Variants in NDST4 observed in about 807,000 individuals in gnomAD.
NDST4 encodes the protein N-deacetylase and N-sulfotransferase 4.
In NDST4, 63 loss-of-function variants were observed where a neutral mutation model predicts 100.8. The observed-to-expected ratio is 0.62, with a 90% CI of 0.51 to 0.77. The LOEUF is 0.77. NDST4 is among the 30% of genes least tolerant of loss of function. The pLI is 0.00. For missense variants in NDST4, 943 were observed against 1,018.4 expected (o/e 0.93, Z 1.01); for synonymous variants, 377 against 361.8 (o/e 1.04, Z -0.48).
intron 2 of NDST4, among the ~76,000 whole-genome samples, chr4:115,033,157 A>ATATATTTTTTT (rs1491126767): frequency 3.3e-5 from 2 of 59,948 alleles, no homozygotes; most frequent in African/African-American, 1.2e-4. Flanking sequence ...ATATATATAT[A>ATATATTTTTTT]TTTTTTTTTT....
intron 1 of NDST4, among the ~76,000 whole-genome samples, chr4:115,082,276 T>C (rs569059701): frequency 1.0e-3 from 155 of 152,302 alleles, no homozygotes; most frequent in African/African-American, 3.6e-3. Flanking sequence ...ATATCTGTTA[T>C]AAGATTGCCT....
chr4:114,848,934 C>T (rs72893330), intron 8 of NDST4, among the ~76,000 whole-genome samples: 17,429 of 152,126 alleles, frequency 0.11, 1,440 homozygotes, highest in African/African-American at 0.23. Flanking sequence ...ACCAGAGCAC[C>T]TTTCCAATAT....
chr4:114,835,154 T>A (rs926112313), intron 11 of NDST4, among the ~76,000 whole-genome samples: 2 of 152,158 alleles, frequency 1.3e-5, no homozygotes, highest in African/African-American at 4.8e-5. Flanking sequence ...TTTCTTGTCT[T>A]CTGCTAGCTT....
intron 2 of NDST4, among the ~76,000 whole-genome samples, chr4:115,064,960 A>G (rs1444539499): frequency 2.6e-5 from 4 of 152,120 alleles, no homozygotes; most frequent in African/African-American, 9.7e-5. Flanking sequence ...TTAACCCATT[A>G]AAATTATGAG....
At chr4:115,052,506 G>A (rs1312900791) in intron 2 of NDST4, among the ~76,000 whole-genome samples, 2 of 151,944 alleles carry the variant, frequency 1.3e-5, no homozygotes, top group East Asian at 3.9e-4. Flanking sequence ...TGAATCATGG[G>A]GGCGAGTCTT....
At chr4:115,050,369 GC>G (rs1221238959) in intron 2 of NDST4, among the ~76,000 whole-genome samples, 2 of 151,754 alleles carry the variant, frequency 1.3e-5, no homozygotes, top group Non-Finnish European at 2.9e-5. Context: ...AATTATACCT[GC>G]CTCCTTGCCA....
At chr4:114,900,890 C>A (rs887044568) in intron 6 of NDST4, among the ~76,000 whole-genome samples, 2 of 152,012 alleles carry the variant, frequency 1.3e-5, no homozygotes, top group Non-Finnish European at 2.9e-5. Flanking sequence ...CTTGAAATTT[C>A]TTCTTTGACC....
At chr4:114,996,533 G>C (rs1727167081) in intron 2 of NDST4, among the ~76,000 whole-genome samples, 1 of 152,016 alleles carries the variant, frequency 6.6e-6, no homozygotes, top group South Asian at 2.1e-4. Flanking sequence ...ACACCTTTAA[G>C]TAATAGAAAC....
chr4:115,004,502 G>A (rs971542404), intron 2 of NDST4, among the ~76,000 whole-genome samples: 3 of 152,100 alleles, frequency 2.0e-5, no homozygotes, highest in African/African-American at 4.8e-5. Flanking sequence ...TATGTACAAC[G>A]AAGGCAATAG....
At chr4:114,929,985 T>C (rs1316456592) in intron 6 of NDST4, among the ~76,000 whole-genome samples, 2 of 152,168 alleles carry the variant, frequency 1.3e-5, no homozygotes, top group African/African-American at 2.4e-5. Flanking sequence ...AGGGCAGATA[T>C]GTGTCAGGAA....
intron 6 of NDST4, among the ~76,000 whole-genome samples, chr4:114,873,807 C>G (rs544479039): frequency 1.3e-5 from 2 of 152,048 alleles, no homozygotes; most frequent in Non-Finnish European, 2.9e-5. Context: ...TATGGTTTTC[C>G]AGGACTGAAA....
At chr4:114,838,898 A>T (rs72906946) in intron 11 of NDST4, among the ~76,000 whole-genome samples, 16,486 of 151,168 alleles carry the variant, frequency 0.11, 944 homozygotes, top group Middle Eastern at 0.15. Context: ...TCCTGTAGCC[A>T]TTATAACACT....
chr4:114,868,958 AT>A (rs1724090472), intron 7 of NDST4, among the ~76,000 whole-genome samples: 1 of 148,948 alleles, frequency 6.7e-6, no homozygotes, highest in African/African-American at 2.4e-5. Context: ...ATATATATAT[AT>A]ATATATATTT....
Position 115,077,247 on chromosome 4 carries a change from A to G in NDST4, c.-211T>C. ...GTTGAGGAGATTTTGAATATGTCCA[A>G]TACTGAGAATTGCTGCAGAATCCTC... is the stretch of plus-strand genomic sequence containing the variant. On this transcript the variant is annotated 5_prime_UTR_variant, in exon 2 of 14. Transcript: ENST00000264363. The G allele has an allele frequency of 4.8e-6, 2 of 413,748 alleles. No homozygotes were observed. Among genetic ancestry groups the G allele is most frequent in the Non-Finnish European group, 8.6e-6 (2 of 231,820 alleles). 25.6% of individuals were successfully genotyped at this position (413,748 alleles called of 1,614,324 possible). A position where few individuals can be genotyped will look rare whatever the true frequency, so the allele number is the denominator to read the frequency against.
intron 4 of NDST4, among the ~76,000 whole-genome samples, chr4:114,939,498 A>G (rs564979813): frequency 6.6e-6 from 1 of 152,256 alleles, no homozygotes; most frequent in South Asian, 2.1e-4. Flanking sequence ...ATTCTCTATA[A>G]CTGTATAAAT....
At chr4:115,035,187 C>A (rs1457927836) in intron 2 of NDST4, among the ~76,000 whole-genome samples, 1 of 152,026 alleles carries the variant, frequency 6.6e-6, no homozygotes, top group Non-Finnish European at 1.5e-5. Context: ...TAATGTCATC[C>A]TATTAAGTGA....
intron 7 of NDST4, among the ~76,000 whole-genome samples, chr4:114,857,050 A>G (rs1723812816): frequency 6.6e-6 from 1 of 152,218 alleles, no homozygotes; most frequent in Non-Finnish European, 1.5e-5. Flanking sequence ...AGGCTGAAGT[A>G]CAAGCCACCC....
chr4:114,863,810 A>T (rs1723968698), intron 7 of NDST4, among the ~76,000 whole-genome samples: 1 of 152,272 alleles, frequency 6.6e-6, no homozygotes, highest in African/African-American at 2.4e-5. Flanking sequence ...ACATAAACAA[A>T]GCAGGCAGAA....
chr4:114,909,947 A>T (rs1340021863), intron 6 of NDST4, among the ~76,000 whole-genome samples: 1 of 152,188 alleles, frequency 6.6e-6, no homozygotes, highest in Non-Finnish European at 1.5e-5. Flanking sequence ...GGCATAAGGA[A>T]TTATTTCTGA....
Sources: allele counts gnomAD v4.1 joint callset (sites outside exome capture counted in the v4.1 genomes callset), GRCh38; gene constraint gnomAD v4.1.1; transcripts MANE v1.5; gene names NCBI Gene and HGNC (gene_info 2026-07-23, HGNC 2026-07-21).